Variants in TRIM33 observed in about 807,000 individuals in gnomAD.
TRIM33 encodes E3 ubiquitin-protein ligase TRIM33.
TRIM33 carries 20 observed loss-of-function variants against 125.4 expected under a neutral mutation model. The observed-to-expected ratio is 0.16, with a 90% CI of 0.11 to 0.23. The LOEUF (loss-of-function observed/expected upper bound fraction) is 0.23. Among genes scored for constraint, TRIM33 ranks in the 10% least tolerant of loss-of-function variants. TRIM33 has a pLI of 1.00. For missense variants in TRIM33, 920 were observed against 1,411.4 expected (o/e 0.65, Z 5.58); for synonymous variants, 564 against 513.9 (o/e 1.10, Z -1.32).
At chr1:114,436,559 A>C (rs1648319240) in intron 4 of TRIM33, among the ~76,000 whole-genome samples, 2 of 152,110 alleles carry the variant, frequency 1.3e-5, no homozygotes, top group Middle Eastern at 3.4e-3. Context: ...TCCACCTCCC[A>C]GGTTCAAGCA....
intron 1 of TRIM33, among the ~76,000 whole-genome samples, chr1:114,482,724 A>G (rs574746865): frequency 5.9e-5 from 9 of 152,254 alleles, no homozygotes; most frequent in African/African-American, 2.2e-4. Context: ...TCATTATAGT[A>G]ACTGAGTTCT....
intron 1 of TRIM33, among the ~76,000 whole-genome samples, chr1:114,474,893 CA>C (rs555557038): frequency 8.5e-4 from 102 of 120,672 alleles, no homozygotes; most frequent in Admixed American, 1.4e-3. Context: ...AACTCTATCT[CA>C]AAAAAAAAAA....
At chr1:114,474,826 A>G (rs1650879269) in intron 1 of TRIM33, among the ~76,000 whole-genome samples, 1 of 150,990 alleles carries the variant, frequency 6.6e-6, no homozygotes, top group Non-Finnish European at 1.5e-5. Flanking sequence ...CAGGAGGTGG[A>G]GGTTGTGGTG....
intron 13 of TRIM33, among the ~76,000 whole-genome samples, chr1:114,408,077 C>T (rs1304352635): frequency 6.6e-6 from 1 of 152,142 alleles, no homozygotes; most frequent in Non-Finnish European, 1.5e-5. Context: ...TTCTTGCTCT[C>T]CCTTCCCCCA....
At chr1:114,496,029 A>C (rs1652348894) in intron 1 of TRIM33, among the ~76,000 whole-genome samples, 1 of 152,238 alleles carries the variant, frequency 6.6e-6, no homozygotes. Context: ...TTCAACACAA[A>C]GCAGAAAATG....
At chr1:114,435,285 G>A (rs909831130) in intron 4 of TRIM33, among the ~76,000 whole-genome samples, 1 of 152,194 alleles carries the variant, frequency 6.6e-6, no homozygotes, top group Non-Finnish European at 1.5e-5. Context: ...AAACAAGCTG[G>A]AACTGACTTT....
At chr1:114,428,174 T>C (rs1161071792) in intron 6 of TRIM33, among the ~76,000 whole-genome samples, 3 of 152,230 alleles carry the variant, frequency 2.0e-5, no homozygotes, top group Non-Finnish European at 4.4e-5. Flanking sequence ...AGTGTCTTCC[T>C]ATTAGATTAA....
chr1:114,420,889 T>C (rs1456563271), intron 11 of TRIM33, among the ~76,000 whole-genome samples: 1 of 152,202 alleles, frequency 6.6e-6, no homozygotes, highest in African/African-American at 2.4e-5. Context: ...CCAAAAGAAC[T>C]GAAATTGTTA....
In TRIM33 at chr1:114,511,014, C is replaced by T. The variant is rs1347266171; in HGVS notation, c.63G>A (p.Pro21=). The T allele has an allele frequency of 7.6e-7, 1 of 1,323,708 alleles. No individual in the cohort carries two copies. The highest frequency in any genetic ancestry group is 9.6e-7 in the Non-Finnish European group (1 of 1,037,954). 82.0% of individuals were successfully genotyped at this position (1,323,708 alleles called of 1,614,324 possible). A position where few individuals can be genotyped will look rare whatever the true frequency, so the allele number is the denominator to read the frequency against. ...CGGGCCCGGCGGCCCCGGCAGTTAC[C>T]GGCGCGCTGCCGCTGCCCCCGCCGC... ...ESGGGGSGSA[P]VTAGAAGPAA... The change falls in exon 1 of 20, where the codon CCG becomes CCA. Residue 21 remains proline, a synonymous_variant. Transcript: ENST00000358465.
intron 4 of TRIM33, among the ~76,000 whole-genome samples, chr1:114,449,825 C>CA (rs1244381557): frequency 1.3e-5 from 2 of 152,154 alleles, no homozygotes. Context: ...CCCAATATAA[C>CA]AAATTTAATA....
chr1:114,461,265 T>A (rs377234250), intron 4 of TRIM33, among the ~76,000 whole-genome samples: 4 of 146,140 alleles, frequency 2.7e-5, no homozygotes, highest in Admixed American at 1.4e-4. Context: ...ATTTTATATA[T>A]ATTATATATT....
chr1:114,504,599 C>T (rs1652892441), intron 1 of TRIM33, among the ~76,000 whole-genome samples: 2 of 152,200 alleles, frequency 1.3e-5, no homozygotes, highest in East Asian at 1.9e-4. Flanking sequence ...CTCAGTGACA[C>T]GGTCACTACC....
At chr1:114,402,705 A>T in intron 16 of TRIM33, 55 bp downstream of exon 16, 2 of 1,581,252 alleles carry the variant, frequency 1.3e-6, no homozygotes, top group Non-Finnish European at 1.7e-6. Context: ...AAAGGTGTAT[A>T]TATAGGCAGA....
intron 18 of TRIM33, among the ~76,000 whole-genome samples, chr1:114,398,912 AAAAC>A (rs1651706080): frequency 6.8e-6 from 1 of 148,030 alleles, no homozygotes; most frequent in Admixed American, 6.7e-5. Flanking sequence ...AAAAAAAAAA[AAAAC>A]AAAACAAAAC....
chr1:114,426,338 C>T (rs1267572353), intron 8 of TRIM33, among the ~76,000 whole-genome samples: 3 of 152,106 alleles, frequency 2.0e-5, no homozygotes, highest in Non-Finnish European at 4.4e-5. Flanking sequence ...GCTTGGCAGG[C>T]CACATAAGAT....
intron 1 of TRIM33, among the ~76,000 whole-genome samples, chr1:114,483,820 CCT>C (rs1487483024): frequency 6.6e-6 from 1 of 151,996 alleles, no homozygotes; most frequent in Non-Finnish European, 1.5e-5. Context: ...CCAATATCAC[CCT>C]GTTACCAAAG....
intron 1 of TRIM33, among the ~76,000 whole-genome samples, chr1:114,499,162 T>C (rs1252590631): frequency 1.3e-5 from 2 of 152,110 alleles, no homozygotes; most frequent in Middle Eastern, 3.2e-3. Flanking sequence ...AGCCAAGCTA[T>C]CATTTAAGAA....
At chr1:114,441,592 A>G (rs946972958) in intron 4 of TRIM33, among the ~76,000 whole-genome samples, 1 of 152,240 alleles carries the variant, frequency 6.6e-6, no homozygotes, top group Non-Finnish European at 1.5e-5. Context: ...CAGAGAGATA[A>G]CAGATGAGCT....
chr1:114,420,527 T>C lies in TRIM33; in HGVS notation c.2061+909A>G, dbSNP rs951444926. 3 of 742,248 alleles carry C rather than the reference T, an allele frequency of 4.0e-6. No individual in the cohort carries two copies. The African/African-American group carries it at 5.4e-5, about 13-fold the overall frequency. The allele number at this position is 742,248 out of a possible 1,614,324, so 46.0% of individuals were successfully genotyped here. ...TAATCCACCATTATTGTACTTCTGT[T>C]TAGATATTCCCATAATTTGCTATTC... On this transcript the variant is annotated intron_variant, in intron 11 of 19. Transcript: ENST00000358465.
Sources: allele counts gnomAD v4.1 joint callset (sites outside exome capture counted in the v4.1 genomes callset), GRCh38; gene constraint gnomAD v4.1.1; transcripts MANE v1.5; gene names NCBI Gene and HGNC (gene_info 2026-07-23, HGNC 2026-07-21).